SLC12A3: variants seen among roughly 807,000 people sequenced by gnomAD.
The protein encoded by SLC12A3 is solute carrier family 12 member 3.
In SLC12A3, 104 loss-of-function variants were observed where a neutral mutation model predicts 121.0. The ratio of observed to expected loss-of-function variants is 0.86; its 90% CI spans 0.73 to 1.01. The LOEUF (loss-of-function observed/expected upper bound fraction) is 1.01. Ranked by LOEUF, SLC12A3 falls within the 50% of genes least tolerant of loss-of-function variation. The pLI is 0.00. For synonymous variants in SLC12A3, 536 were observed against 533.4 expected, an observed-to-expected ratio of 1.00 and a Z score of -0.07; for missense variants, 1,328 against 1,356.3, an observed-to-expected ratio of 0.98 and a Z score of 0.33.
rs754755570 is a variant in SLC12A3 at position 56,902,493 on chromosome 16, G to C, written c.2841G>C (p.Thr947=). 2.5e-6 allele frequency: 3 copies of C among 1,199,304 alleles called. No homozygotes were observed. The highest frequency in any genetic ancestry group is 1.6e-5 in the African/African-American group (1 of 63,910). 74.3% of individuals were successfully genotyped at this position (1,199,304 alleles called of 1,614,324 possible). A position where few individuals can be genotyped will look rare whatever the true frequency, so the allele number is the denominator to read the frequency against. ...GGAAGATCTCAGATGAGGAGATTACGAAGAACAGAGTCAAGGTGCAGAGAG... is the reference window on the plus strand; with the variant it reads ...GGAAGATCTCAGATGAGGAGATTACCAAGAACAGAGTCAAGGTGCAGAGAG... ...CPWKISDEEI[T]KNRVKSLRQV... is the part of the protein sequence containing the mutation. The change falls in exon 24 of 26, where the codon ACG becomes ACC. Residue 947 remains threonine, a synonymous_variant. Transcript: ENST00000563236.
At chr16:56,881,734 G>T (rs2144717762) in intron 12 of SLC12A3, among the ~76,000 whole-genome samples, 1 of 152,176 alleles carries the variant, frequency 6.6e-6, no homozygotes, top group Non-Finnish European at 1.5e-5. Flanking sequence ...TACGGTCTTA[G>T]GTGTCCTGGG....
chr16:56,886,326 C>T, intron 15 of SLC12A3, 38 bp from the exon 16 acceptor site: 1 of 1,521,742 alleles, frequency 6.6e-7, no homozygotes, highest in Non-Finnish European at 9.1e-7. Context: ...CGTGGGCTCT[C>T]TCCTGATGGC....
chr16:56,868,985 A>AT (rs58980548), intron 3 of SLC12A3, among the ~76,000 whole-genome samples: 28,563 of 151,504 alleles, frequency 0.19, 2,996 homozygotes, highest in East Asian at 0.42. Flanking sequence ...AAAAAAATAA[A>AT]AAATAAAAAA....
chr16:56,892,035 C>T (rs1386086753), intron 19 of SLC12A3, 48 bp from the exon 20 acceptor site: 1 of 1,409,230 alleles, frequency 7.1e-7, no homozygotes. Context: ...ACCCACGGTG[C>T]CCTCAGACAA....
chr16:56,903,126 G>C (rs537357825), intron 24 of SLC12A3, among the ~76,000 whole-genome samples: 25 of 151,262 alleles, frequency 1.7e-4, no homozygotes, highest in Admixed American at 3.9e-4. Flanking sequence ...TCCAGCCTGG[G>C]TGACAGAGTG....
intron 12 of SLC12A3, 94 bp from the exon 13 acceptor site, chr16:56,882,302 G>A: frequency 1.0e-6 from 1 of 1,002,782 alleles, no homozygotes; most frequent in Non-Finnish European, 1.6e-6. Context: ...TTGGTGGCCT[G>A]TCTGGGGTCC....
chr16:56,870,372 T>G (rs1409068376), intron 5 of SLC12A3, 137 bp downstream of exon 5: 1 of 1,008,954 alleles, frequency 9.9e-7, no homozygotes, highest in African/African-American at 1.6e-5. Flanking sequence ...TCACTGTGGG[T>G]GAGAGTGACA....
Position 56,886,390 on chromosome 16 carries a change from C to A in SLC12A3, c.1952C>A (p.Pro651His), listed in dbSNP as rs1018091351. The A allele has an allele frequency of 1.2e-6, 2 of 1,614,060 alleles. No individual in the cohort carries two copies. The highest frequency in any genetic ancestry group is 8.5e-7 in the Non-Finnish European group (1 of 1,180,006). ...YRPQCLVLTG[P>H]PNFRPALVDF... ...CCCCAGTGCCTGGTGCTCACGGGGC[C>A]CCCCAACTTCCGCCCGGCCCTGGTG... Residue 651 changes from proline to histidine, a missense_variant, in exon 16 of 26, where the codon CCC becomes CAC. By Grantham distance (77) the Pro-to-His change is moderately conservative. Transcript: ENST00000563236.
chr16:56,877,276 G>A (rs977478543), intron 8 of SLC12A3, among the ~76,000 whole-genome samples: 6 of 151,906 alleles, frequency 3.9e-5, no homozygotes, highest in Non-Finnish European at 8.8e-5. Flanking sequence ...CATGCCTGTA[G>A]TCCCAGCTAC....
chr16:56,890,155 G>T, intron 18 of SLC12A3, 119 bp from the exon 19 acceptor site: 1 of 780,596 alleles, frequency 1.3e-6, no homozygotes, highest in Non-Finnish European at 2.3e-6. Context: ...GAGGCCCAGA[G>T]AACAGAAAGG....
At chr16:56,872,835 A>T in intron 8 of SLC12A3, 49 bp downstream of exon 8, 1 of 1,611,674 alleles carries the variant, frequency 6.2e-7, no homozygotes, top group Non-Finnish European at 8.5e-7. Context: ...CACAGGGGCT[A>T]TGAGCAGAAT....
Position 56,881,270 on chromosome 16 carries a change from A to C in SLC12A3, c.1567+1017A>C, listed in dbSNP as rs72786759. On this transcript the variant is annotated intron_variant, in intron 12 of 25. Transcript: ENST00000563236. ...AGCCTAGTCACTATTACCCAAGGTAAGCTTTTCAGACACCAGGCACTACTG... is the reference window on the plus strand; with the variant it reads ...AGCCTAGTCACTATTACCCAAGGTACGCTTTTCAGACACCAGGCACTACTG... 5.9e-3 allele frequency among the ~76,000 whole-genome samples: 898 copies of C among 152,322 alleles called. 5 individuals carry two copies. The highest frequency in any genetic ancestry group is 9.6e-3 in the Non-Finnish European group (651 of 68,030).
rs2055116758 is a variant in SLC12A3 at position 56,872,788 on chromosome 16, T to C, written c.1095+2T>C. On this transcript the variant is annotated splice_donor_variant, in intron 8 of 25. Transcript: ENST00000563236. LOFTEE classifies it high-confidence loss of function. ...GCCAACATATCTGGTGACCTCAAGGTGAGCAGAATACTTGCCCCTCCTGTG... is the reference window on the plus strand; with the variant it reads ...GCCAACATATCTGGTGACCTCAAGGCGAGCAGAATACTTGCCCCTCCTGTG... 1 of 1,614,070 alleles carries C rather than the reference T, an allele frequency of 6.2e-7. No homozygotes were observed. Among genetic ancestry groups the C allele is most frequent in the South Asian group, 1.1e-5 (1 of 91,094 alleles).
intron 17 of SLC12A3, 39 bp from the exon 18 acceptor site, chr16:56,887,886 C>T (rs781732455): frequency 1.3e-6 from 2 of 1,526,800 alleles, no homozygotes; most frequent in African/African-American, 1.4e-5. Context: ...AACTCTGCCC[C>T]TCTGATGGGT....
At position 56,902,302 on chromosome 16, in the gene SLC12A3, C is replaced by T. The variant is rs1370998906; in HGVS notation, c.2721-71C>T. 4.8e-5 allele frequency: 77 copies of T among 1,592,160 alleles called. 2 individuals carry two copies. In the Middle Eastern group the frequency reaches 7.0e-4, roughly 15 times the overall value. On this transcript the variant is annotated intron_variant, in intron 23 of 25. Coordinates refer to ENST00000563236, the MANE Select transcript of SLC12A3 (RefSeq NM_001126108.2). ...AGCTGTGGCAACACTGCCAGCTCCC[C>T]GCAGGGACCTGGCACCCCTAGAAAT...
In SLC12A3 at chr16:56,868,345, C is replaced by T. The variant is rs761667636; in HGVS notation, c.478C>T (p.Pro160Ser). ...GGGCGTGATCCTCTACCTGCGGCTG[C>T]CCTGGATTACGGCCCAGGCAGGCAT... ...IWGVILYLRL[P>S]WITAQAGIVL... is the part of the protein sequence containing the mutation. The change falls in exon 3 of 26, where the codon CCC (proline) becomes TCC (serine). Residue 160 changes from proline to serine, a missense_variant. Pro to Ser is a moderately conservative substitution (Grantham distance 74, BLOSUM62 -1). Coordinates refer to ENST00000563236, the MANE Select transcript of SLC12A3 (RefSeq NM_001126108.2). 3 of 1,613,694 alleles carry T rather than the reference C, an allele frequency of 1.9e-6. No individual in the cohort carries two copies. In the Admixed American group the frequency reaches 5.0e-5, roughly 27 times the overall value.
chr16:56,883,973 G>T, intron 13 of SLC12A3, 76 bp from the exon 14 acceptor site: 1 of 1,541,284 alleles, frequency 6.5e-7, no homozygotes, highest in Non-Finnish European at 8.9e-7. Flanking sequence ...ATTACTGCCA[G>T]GCCCTGCCCA....
chr16:56,881,625 T>C (rs1421260664), intron 12 of SLC12A3, among the ~76,000 whole-genome samples: 5 of 150,900 alleles, frequency 3.3e-5, no homozygotes, highest in African/African-American at 1.2e-4. Context: ...TTATCTGGGG[T>C]GCTGGGGGCA....
chr16:56,869,903 C>A lies in SLC12A3; in HGVS notation c.601+79C>A, dbSNP rs1476236696. On this transcript the variant is annotated intron_variant, in intron 4 of 25. Transcript: ENST00000563236. ...GGAACAGGACTCCCAACTTCCCCAA[C>A]CCAATGGTACACCCAGCCGCTCCTG... 3.5e-6 allele frequency: 5 copies of A among 1,416,188 alleles called. No homozygotes were observed. In the African/African-American group the frequency reaches 5.6e-5, roughly 16 times the overall value. 87.7% of individuals were successfully genotyped at this position (1,416,188 alleles called of 1,614,324 possible).
Sources: gnomAD v4.1 joint callset for allele counts (sites outside exome capture counted in the v4.1 genomes callset) on GRCh38, gnomAD v4.1.1 for gene constraint, MANE v1.5 for transcripts, NCBI Gene and HGNC (gene_info 2026-07-23, HGNC 2026-07-21) for gene names.